PPP1R9A: variants seen among roughly 807,000 people sequenced by gnomAD.
PPP1R9A encodes the protein protein phosphatase 1 regulatory subunit 9A.
A neutral mutation model predicts 141.9 loss-of-function variants in PPP1R9A; 59 were observed. That is an observed-to-expected ratio of 0.42 (90% CI 0.34 to 0.52). The LOEUF (loss-of-function observed/expected upper bound fraction) is 0.52, where lower values mean the gene tolerates loss of function less well. Among genes scored for constraint, PPP1R9A ranks in the 20% least tolerant of loss-of-function variants. The pLI is 0.10. For synonymous variants in PPP1R9A, 500 were observed against 569.7 expected, an observed-to-expected ratio of 0.88 and a Z score of 1.74; for missense variants, 1,444 against 1,611.9, an observed-to-expected ratio of 0.90 and a Z score of 1.78.
intron 3 of PPP1R9A, 82 bp from the exon 4 acceptor site, chr7:95,120,630 A>G: frequency 1.4e-6 from 2 of 1,431,108 alleles, no homozygotes; most frequent in Non-Finnish European, 9.5e-7. Flanking sequence ...AATTAGAAAC[A>G]GCAAGTAGGT....
intron 2 of PPP1R9A, among the ~76,000 whole-genome samples, chr7:94,993,602 A>C (rs1801788528): frequency 6.6e-6 from 1 of 151,524 alleles, no homozygotes; most frequent in Admixed American, 6.6e-5. Context: ...CATATCTTAC[A>C]CACTTTTTTT....
chr7:95,259,268 G>T (rs967612140), intron 12 of PPP1R9A, among the ~76,000 whole-genome samples: 1 of 151,420 alleles, frequency 6.6e-6, no homozygotes, highest in African/African-American at 2.4e-5. Flanking sequence ...GTTTAGGCTT[G>T]ATGGAGGTAC....
chr7:95,149,973 A>G (rs1430124002), intron 4 of PPP1R9A, among the ~76,000 whole-genome samples: 1 of 152,140 alleles, frequency 6.6e-6, no homozygotes, highest in Admixed American at 6.5e-5. Flanking sequence ...AGCTTCAGTA[A>G]TCAAGACTGT....
chr7:95,029,300 A>G (rs1200256119), intron 2 of PPP1R9A, among the ~76,000 whole-genome samples: 5 of 152,136 alleles, frequency 3.3e-5, no homozygotes, highest in Non-Finnish European at 7.3e-5. Context: ...TATTGTTATT[A>G]TTGTTGTGTA....
At chr7:95,153,752 T>C (rs1829125290) in intron 4 of PPP1R9A, among the ~76,000 whole-genome samples, 1 of 152,234 alleles carries the variant, frequency 6.6e-6, no homozygotes, top group Non-Finnish European at 1.5e-5. Context: ...AATTTGGCAT[T>C]GAAGCCATCC....
At chr7:94,984,882 A>G (rs1800604894) in intron 2 of PPP1R9A, among the ~76,000 whole-genome samples, 1 of 151,824 alleles carries the variant, frequency 6.6e-6, no homozygotes, top group Admixed American at 6.6e-5. Flanking sequence ...TAACTTTTGA[A>G]TTTGTTTGCT....
At chr7:95,138,167 C>T (rs1226874117) in intron 4 of PPP1R9A, among the ~76,000 whole-genome samples, 2 of 151,968 alleles carry the variant, frequency 1.3e-5, no homozygotes, top group South Asian at 2.1e-4. Flanking sequence ...CTCCTGACCT[C>T]GTGATCCGCC....
At chr7:95,214,659 T>A (rs1207624390) in intron 7 of PPP1R9A, among the ~76,000 whole-genome samples, 4 of 152,012 alleles carry the variant, frequency 2.6e-5, no homozygotes, top group Non-Finnish European at 5.9e-5. Context: ...GTCATTGGGG[T>A]CATTTTGGAG....
At chr7:94,973,971 C>G (rs1331602046) in intron 2 of PPP1R9A, among the ~76,000 whole-genome samples, 2 of 152,140 alleles carry the variant, frequency 1.3e-5, no homozygotes, top group African/African-American at 4.8e-5. Flanking sequence ...TCCACTTCAG[C>G]CTCCCTAAGT....
At chr7:95,029,568 A>C (rs1330890011) in intron 2 of PPP1R9A, among the ~76,000 whole-genome samples, 2 of 152,200 alleles carry the variant, frequency 1.3e-5, no homozygotes, top group Non-Finnish European at 2.9e-5. Flanking sequence ...TTTAGTCTTA[A>C]GTAATTACAG....
chr7:95,033,184 T>G (rs1807932213), intron 2 of PPP1R9A, among the ~76,000 whole-genome samples: 1 of 147,798 alleles, frequency 6.8e-6, no homozygotes, highest in Non-Finnish European at 1.5e-5. Flanking sequence ...TTTTTTTTTT[T>G]TTTTTTTTTT....
chr7:94,928,390 C>T (rs1793743697), intron 2 of PPP1R9A, among the ~76,000 whole-genome samples: 2 of 152,092 alleles, frequency 1.3e-5, no homozygotes, highest in African/African-American at 4.8e-5. Flanking sequence ...GCTATATATA[C>T]CTCTCCTATT....
chr7:94,959,821 G>A (rs971522373), intron 2 of PPP1R9A, among the ~76,000 whole-genome samples: 1 of 151,644 alleles, frequency 6.6e-6, no homozygotes, highest in Non-Finnish European at 1.5e-5. Flanking sequence ...AATGTTAACA[G>A]TATGAATTTG....
intron 5 of PPP1R9A, among the ~76,000 whole-genome samples, chr7:95,189,775 A>G (rs1016847448): frequency 1.3e-5 from 2 of 151,912 alleles, no homozygotes; most frequent in South Asian, 4.1e-4. Context: ...TCTTTTTCTG[A>G]TTGGGTTAAA....
intron 5 of PPP1R9A, among the ~76,000 whole-genome samples, chr7:95,168,301 C>G (rs552805030): frequency 1.3e-5 from 2 of 151,874 alleles, no homozygotes; most frequent in African/African-American, 4.8e-5. Context: ...GAAAGGGCAC[C>G]CTCTTCAATA....
chr7:95,100,775 CAGA>C (rs572701189), intron 2 of PPP1R9A, among the ~76,000 whole-genome samples: 1 of 151,086 alleles, frequency 6.6e-6, no homozygotes, highest in South Asian at 2.1e-4. Context: ...GGGCTTAGAG[CAGA>C]AGAACAGAAA....
intron 2 of PPP1R9A, among the ~76,000 whole-genome samples, chr7:95,028,617 A>G (rs564335291): frequency 1.3e-5 from 2 of 152,340 alleles, no homozygotes; most frequent in African/African-American, 4.8e-5. Context: ...ACTTGGCTGA[A>G]TAGAATGTGG....
At chr7:95,081,491 A>G (rs1161306913) in intron 2 of PPP1R9A, among the ~76,000 whole-genome samples, 2 of 152,126 alleles carry the variant, frequency 1.3e-5, no homozygotes, top group African/African-American at 4.8e-5. Flanking sequence ...TGAGATGAAA[A>G]ATGTACTGGA....
chr7:95,017,705 C>A (rs974195271), intron 2 of PPP1R9A, among the ~76,000 whole-genome samples: 2 of 152,070 alleles, frequency 1.3e-5, no homozygotes, highest in Non-Finnish European at 2.9e-5. Flanking sequence ...ATTTGAAGAA[C>A]TAATATAAGG....
Sources: allele counts gnomAD v4.1 joint callset (sites outside exome capture counted in the v4.1 genomes callset), GRCh38; gene constraint gnomAD v4.1.1; transcripts MANE v1.5; gene names NCBI Gene and HGNC (gene_info 2026-07-23, HGNC 2026-07-21).